The following SLC9C1 variants were observed in gnomAD, a reference collection of about 807,000 sequenced individuals.
The protein encoded by SLC9C1 is solute carrier family 9 member C1, also known as sodium/hydrogen exchanger 10.
Under a neutral mutation model 140.9 loss-of-function variants are expected in SLC9C1, and 97 were observed. The ratio of observed to expected loss-of-function variants is 0.69; its 90% CI spans 0.58 to 0.82. SLC9C1 has a LOEUF of 0.82. Ranked by LOEUF, SLC9C1 falls within the 40% of genes least tolerant of loss-of-function variation. The pLI, the probability that SLC9C1 is intolerant of heterozygous loss-of-function variation, is 0.00. For synonymous variants in SLC9C1, 440 were observed against 442.6 expected (o/e 0.99, Z 0.07); for missense variants, 1,340 against 1,389.3 (o/e 0.96, Z 0.56).
At chr3:112,286,519 A>T (rs1398424560) in intron 2 of SLC9C1, among the ~76,000 whole-genome samples, 185 bp downstream of exon 2, 1 of 152,214 alleles carries the variant, frequency 6.6e-6, no homozygotes, top group Non-Finnish European at 1.5e-5. Context: ...TGAAAATCAG[A>T]TTCTACACGT....
intron 6 of SLC9C1, among the ~76,000 whole-genome samples, chr3:112,270,764 C>T (rs144136758): frequency 1.3e-5 from 2 of 151,600 alleles, no homozygotes; most frequent in African/African-American, 2.4e-5. Context: ...TGTAGTGAGC[C>T]GAGATCACAC....
In SLC9C1 at chr3:112,255,135, G is replaced by A. The variant is rs140285665; in HGVS notation, c.1197+7789C>T. ...ACTTATACTCCCACACAAGAATAGT[G>A]GGAGACTTTCACACTCCACGGACAG... is the stretch of plus-strand genomic sequence containing the variant. On this transcript the variant is annotated intron_variant, in intron 10 of 28. Coordinates refer to ENST00000305815, the MANE Select transcript of SLC9C1 (RefSeq NM_183061.3). 2.7e-3 allele frequency among the ~76,000 whole-genome samples: 409 copies of A among 152,182 alleles called. 1 individual carries two copies. Among genetic ancestry groups the A allele is most frequent in the Non-Finnish European group, 3.6e-3 (245 of 68,012 alleles).
At chr3:112,250,816 A>G (rs1262798851) in intron 10 of SLC9C1, among the ~76,000 whole-genome samples, 1 of 152,208 alleles carries the variant, frequency 6.6e-6, no homozygotes, top group African/African-American at 2.4e-5. Flanking sequence ...TAAGGCAGCC[A>G]CAGTGGAAAG....
intron 4 of SLC9C1, among the ~76,000 whole-genome samples, chr3:112,278,384 G>T (rs1265351114): frequency 6.6e-6 from 1 of 152,082 alleles, no homozygotes; most frequent in Admixed American, 6.6e-5. Context: ...TAAAACATAG[G>T]TATTTAAAAC....
chr3:112,200,881 G>A, intron 18 of SLC9C1, 119 bp from the exon 19 acceptor site: 1 of 859,082 alleles, frequency 1.2e-6, no homozygotes. Context: ...GTAGGATGAA[G>A]AGGTTTTCAG....
At chr3:112,214,638 A>C (rs1044103078) in intron 15 of SLC9C1, among the ~76,000 whole-genome samples, 4 of 152,144 alleles carry the variant, frequency 2.6e-5, no homozygotes, top group African/African-American at 9.7e-5. Flanking sequence ...TGGACAATAC[A>C]CCCTCCCAAG....
In SLC9C1 at chr3:112,244,093, T is replaced by C; in HGVS notation, c.1198-17A>G. 1 of 1,502,718 alleles carries C rather than the reference T, an allele frequency of 6.7e-7. No homozygotes were observed. Among genetic ancestry groups the C allele is most frequent in the Non-Finnish European group, 9.2e-7 (1 of 1,092,646 alleles). 93.1% of individuals were successfully genotyped at this position (1,502,718 alleles called of 1,614,324 possible). On this transcript the variant is annotated splice_polypyrimidine_tract_variant and intron_variant, in intron 10 of 28. Transcript: ENST00000305815. ...AAATAATATCTAGAATTGAAAAAAA[T>C]ACAAAGTAAGTATTCATGACAATTT...
intron 28 of SLC9C1, among the ~76,000 whole-genome samples, chr3:112,150,835 TATA>T (rs1474199295): frequency 1.2e-4 from 5 of 42,766 alleles, no homozygotes; most frequent in African/African-American, 8.3e-4. Flanking sequence ...TATATATATA[TATA>T]TATTTTTTTT....
rs767127854 is a variant in SLC9C1 at position 112,262,946 on chromosome 3, C to G, written c.1175G>C (p.Gly392Ala). ...TACTTGAGATTTTTCTTTGTCAGATCCAAAATAAAGATCAGAGTAGGCAAG... is the reference window on the plus strand; with the variant it reads ...TACTTGAGATTTTTCTTTGTCAGATGCAAAATAAAGATCAGAGTAGGCAAG... ...LLLAYSDLYF[G>A]SDKEKSQILF... Residue 392 changes from glycine to alanine, a missense_variant, in exon 10 of 29, where the codon GGA becomes GCA. By Grantham distance (60) the Gly-to-Ala change is moderately conservative. Coordinates refer to ENST00000305815, the MANE Select transcript of SLC9C1 (RefSeq NM_183061.3). 6.3e-7 allele frequency: 1 copy of G among 1,575,306 alleles called. No individual in the cohort carries two copies. Among genetic ancestry groups the G allele is most frequent in the South Asian group, 1.2e-5 (1 of 83,282 alleles).
intron 15 of SLC9C1, among the ~76,000 whole-genome samples, chr3:112,211,654 G>C (rs2078209381): frequency 1.3e-5 from 2 of 152,328 alleles, no homozygotes; most frequent in South Asian, 4.1e-4. Context: ...CAGCAAGGCT[G>C]GGGGAGGGGC....
intron 26 of SLC9C1, among the ~76,000 whole-genome samples, chr3:112,156,077 T>G (rs1335812069): frequency 6.6e-6 from 1 of 152,100 alleles, no homozygotes; most frequent in African/African-American, 2.4e-5. Context: ...ATGATTACCG[T>G]ACTATTGAAT....
At position 112,256,989 on chromosome 3, in the gene SLC9C1, C is replaced by G. The variant is rs150669020; in HGVS notation, c.1197+5935G>C. 1.2e-3 allele frequency among the ~76,000 whole-genome samples: 185 copies of G among 152,074 alleles called. 1 individual carries two copies. The highest frequency in any genetic ancestry group is 4.3e-3 in the African/African-American group (178 of 41,506). On this transcript the variant is annotated intron_variant, in intron 10 of 28. Transcript: ENST00000305815. ...GCCCAAATAATACCTAAGAATATAGCTAACCAGTGGGGTAAAAAATCTCTA... is the reference window on the plus strand; with the variant it reads ...GCCCAAATAATACCTAAGAATATAGGTAACCAGTGGGGTAAAAAATCTCTA...
At chr3:112,176,919 A>T (rs2077348199) in intron 23 of SLC9C1, among the ~76,000 whole-genome samples, 1 of 151,156 alleles carries the variant, frequency 6.6e-6, no homozygotes, top group Non-Finnish European at 1.5e-5. Context: ...CTGGTCTCTC[A>T]GCTGTGGGCC....
intron 13 of SLC9C1, among the ~76,000 whole-genome samples, chr3:112,229,971 A>T (rs1290949978): frequency 6.6e-6 from 1 of 152,168 alleles, no homozygotes; most frequent in East Asian, 1.9e-4. Flanking sequence ...CAGATTATAT[A>T]TACTTTTGGT....
intron 10 of SLC9C1, among the ~76,000 whole-genome samples, chr3:112,252,386 ATGGG>A (rs1559716535): frequency 1.3e-5 from 2 of 152,046 alleles, no homozygotes; most frequent in East Asian, 3.9e-4. Flanking sequence ...CCTCCCTGGG[ATGGG>A]GCTACCAGAG....
chr3:112,147,810 T>G (rs1020112075), intron 28 of SLC9C1, among the ~76,000 whole-genome samples: 18 of 152,336 alleles, frequency 1.2e-4, no homozygotes, highest in Admixed American at 9.2e-4. Context: ...GATGTCTACA[T>G]CTCTAGCAAG....
At chr3:112,146,117 A>G (rs2074787721) in intron 28 of SLC9C1, among the ~76,000 whole-genome samples, 1 of 152,168 alleles carries the variant, frequency 6.6e-6, no homozygotes, top group African/African-American at 2.4e-5. Flanking sequence ...AGAGGTGTTC[A>G]TAACAGTCTC....
At chr3:112,184,532 A>G (rs1252658834) in intron 20 of SLC9C1, among the ~76,000 whole-genome samples, 1 of 151,680 alleles carries the variant, frequency 6.6e-6, no homozygotes, top group East Asian at 1.9e-4. Flanking sequence ...GCTACTCGGA[A>G]GGCTGAGGCA....
At chr3:112,198,321 C>T (rs912563443) in intron 20 of SLC9C1, among the ~76,000 whole-genome samples, 42 of 151,974 alleles carry the variant, frequency 2.8e-4, no homozygotes, top group African/African-American at 9.4e-4. Context: ...ATTAATCCTA[C>T]TGCTTTTAAG....
Sources: allele counts gnomAD v4.1 joint callset (sites outside exome capture counted in the v4.1 genomes callset), GRCh38; gene constraint gnomAD v4.1.1; transcripts MANE v1.5; gene names NCBI Gene and HGNC (gene_info 2026-07-23, HGNC 2026-07-21).